Variants in LINGO1 observed in about 807,000 individuals in gnomAD.
The protein encoded by LINGO1 is leucine-rich repeat and immunoglobulin-like domain-containing nogo receptor-interacting protein 1.
A neutral mutation model predicts 37.3 loss-of-function variants in LINGO1; 11 were observed. The observed-to-expected ratio is 0.29, with a 90% CI of 0.19 to 0.49. LINGO1 has a LOEUF of 0.49. LINGO1 is among the 20% of genes least tolerant of loss of function. LINGO1 has a pLI of 0.99. For synonymous variants in LINGO1, 387 were observed against 403.0 expected, an observed-to-expected ratio of 0.96 and a Z score of 0.48; for missense variants, 585 against 878.2, an observed-to-expected ratio of 0.67 and a Z score of 4.22.
At chr15:77,777,475 A>ACG (rs1306638679) in intron 1 of LINGO1, among the ~76,000 whole-genome samples, 1 of 141,376 alleles carries the variant, frequency 7.1e-6, no homozygotes, top group Non-Finnish European at 1.5e-5. Flanking sequence ...GCACACACAC[A>ACG]CACACACACA....
intron 2 of LINGO1, among the ~76,000 whole-genome samples, chr15:77,686,572 CCCA>C (rs1259602286): frequency 6.6e-6 from 1 of 152,308 alleles, no homozygotes; most frequent in Admixed American, 6.5e-5. Flanking sequence ...GCCCAGTGCC[CCCA>C]CCGTCAACCC....
chr15:77,723,199 C>T (rs372293297), intron 2 of LINGO1, among the ~76,000 whole-genome samples: 7 of 135,672 alleles, frequency 5.2e-5, no homozygotes, highest in African/African-American at 1.9e-4. Context: ...AGGATCAAGA[C>T]AGCCACAGAG....
intron 3 of LINGO1, among the ~76,000 whole-genome samples, chr15:77,655,557 G>A (rs2074847672): frequency 1.3e-5 from 2 of 152,066 alleles, no homozygotes; most frequent in African/African-American, 4.8e-5. Context: ...TGACCTGGGT[G>A]ACCATACCAA....
intron 1 of LINGO1, among the ~76,000 whole-genome samples, chr15:77,738,433 C>T (rs1281925157): frequency 6.6e-6 from 1 of 152,086 alleles, no homozygotes; most frequent in African/African-American, 2.4e-5. Flanking sequence ...GGGTTTTTGC[C>T]CTCTCGCTCC....
rs1364440480 is a variant in LINGO1 at position 77,717,607 on chromosome 15, G to A, written c.-195+17385C>T. On this transcript the variant is annotated intron_variant, in intron 2 of 3. Transcript: ENST00000561686. ...TCAGCCCCGATAGTTGGGGAGGAAT[G>A]GCAAGGAGAGGCAGACAGGCAGGGA... 2.0e-5 allele frequency among the ~76,000 whole-genome samples: 3 copies of A among 150,840 alleles called. 1 individual carries two copies. Among genetic ancestry groups the A allele is most frequent in the Non-Finnish European group, 4.4e-5 (3 of 67,604 alleles).
intron 2 of LINGO1, chr15:77,720,785 T>C (rs571769687): frequency 6.6e-6 from 1 of 151,996 alleles, no homozygotes; most frequent in Non-Finnish European, 1.5e-5. Flanking sequence ...GTCCGCGTGC[T>C]CCTGTGCTCA....
At chr15:77,648,544 G>A (rs2074687946) in intron 3 of LINGO1, 1 of 152,426 alleles carries the variant, frequency 6.6e-6, no homozygotes, top group Admixed American at 6.5e-5. Context: ...GCTGCCAAGA[G>A]AACTTTAAAC....
At chr15:77,726,534 T>C (rs917027627) in intron 2 of LINGO1, among the ~76,000 whole-genome samples, 2 of 152,234 alleles carry the variant, frequency 1.3e-5, no homozygotes, top group Non-Finnish European at 2.9e-5. Flanking sequence ...AGTTTCTGGA[T>C]TTCCACAAGC....
At chr15:77,766,889 A>T (rs58038325) in intron 1 of LINGO1, among the ~76,000 whole-genome samples, 4,334 of 152,220 alleles carry the variant, frequency 0.028, 126 homozygotes, top group African/African-American at 0.074. Flanking sequence ...AGAATTTTTA[A>T]AAAAAAATCC....
rs1027913655 is a variant in LINGO1, at chr15:77,748,080, G to C, written c.-256-13027C>G. On this transcript the variant is annotated intron_variant, in intron 1 of 3. Coordinates refer to the LINGO1 transcript ENST00000561686. Reference sequence around the variant, plus strand: ...CCCCTTCCACACAACTCTAAACAGGGACTGTGGTTGCCCTTTTGAGGCACC... The same window carrying C: ...CCCCTTCCACACAACTCTAAACAGGCACTGTGGTTGCCCTTTTGAGGCACC... Among the ~76,000 whole-genome samples the C allele has an allele frequency of 3.9e-5, 6 of 152,222 alleles. No homozygotes were observed. In the South Asian group the frequency reaches 6.2e-4, roughly 16 times the overall value.
intron 1 of LINGO1, among the ~76,000 whole-genome samples, chr15:77,756,070 A>T (rs964288987): frequency 2.6e-5 from 4 of 152,130 alleles, no homozygotes; most frequent in African/African-American, 9.7e-5. Context: ...GGCCAGGCTA[A>T]GGCAGGGCTG....
At chr15:77,663,806 C>T (rs1237078046) in intron 3 of LINGO1, among the ~76,000 whole-genome samples, 2 of 152,234 alleles carry the variant, frequency 1.3e-5, no homozygotes, top group Non-Finnish European at 2.9e-5. Flanking sequence ...GGGAGAGCCT[C>T]TGTCACCCTC....
intron 2 of LINGO1, among the ~76,000 whole-genome samples, chr15:77,703,409 A>G (rs748431899): frequency 6.6e-6 from 1 of 152,130 alleles, no homozygotes; most frequent in Non-Finnish European, 1.5e-5. Flanking sequence ...AGGAGGGAAC[A>G]CCTAGGAATA....
At chr15:77,744,539 T>TTAAAA (rs1196194901) in intron 1 of LINGO1, among the ~76,000 whole-genome samples, 1 of 152,046 alleles carries the variant, frequency 6.6e-6, no homozygotes, top group Admixed American at 6.6e-5. Context: ...TACATCAAAA[T>TTAAAA]TAAAATAAAA....
At chr15:77,818,262 G>A (rs1219683743) in intron 1 of LINGO1, among the ~76,000 whole-genome samples, 1 of 152,226 alleles carries the variant, frequency 6.6e-6, no homozygotes, top group Non-Finnish European at 1.5e-5. Flanking sequence ...CACTCCAGGA[G>A]ACACGGGGTT....
intron 2 of LINGO1, among the ~76,000 whole-genome samples, chr15:77,709,707 A>G (rs2075895172): frequency 6.6e-6 from 1 of 152,198 alleles, no homozygotes; most frequent in Admixed American, 6.5e-5. Context: ...CTGCAGGCCC[A>G]CTGCTTTGAT....
Position 77,632,608 on chromosome 15 carries a change from C to A in LINGO1, c.-293G>T. ...GCCGCGGGACAGGGGCTGCGCGAGC[C>A]TGCTTCTGCCCCCTGGGCCGGCCCG... On this transcript the variant is annotated 5_prime_UTR_variant, in exon 1 of 2. In the 5' UTR this introduces an upstream ATG that the reference lacks. Transcript: ENST00000355300. This position sits in a 1 kb window ranked among gnomAD's most constrained non-coding sequence, Gnocchi z 6.0. The A allele has an allele frequency of 6.6e-6, 1 of 151,884 alleles. No individual in the cohort carries two copies. The highest frequency in any genetic ancestry group is 1.4e-5 in the Non-Finnish European group (1 of 69,218). 9.4% of individuals were successfully genotyped at this position (151,884 alleles called of 1,614,324 possible). A position where few individuals can be genotyped will look rare whatever the true frequency, so the allele number is the denominator to read the frequency against.
rs369109955 is a variant in LINGO1, at chr15:77,640,991, G to A, written c.-12-25091C>T. Among the ~76,000 whole-genome samples, 16 of 152,332 alleles carry A rather than the reference G, an allele frequency of 1.1e-4. No individual in the cohort carries two copies. In the East Asian group the frequency reaches 2.9e-3, roughly 28 times the overall value. Reference sequence around the variant, plus strand: ...GGGTGGGGCTGCACACACACAGCAGGCAGGTCAGACATCCAGAAGGAAGCA... The same window carrying A: ...GGGTGGGGCTGCACACACACAGCAGACAGGTCAGACATCCAGAAGGAAGCA... On this transcript the variant is annotated intron_variant, in intron 3 of 3. Transcript: ENST00000559893.
Position 77,632,239 on chromosome 15 carries a change from C to T in LINGO1, c.6+71G>A. On this transcript the variant is annotated intron_variant, in intron 1 of 1. Transcript: ENST00000355300. This position sits in a 1 kb window ranked among gnomAD's most constrained non-coding sequence, Gnocchi z 6.0. The stretch of plus-strand genomic sequence containing the variant: ...AACCCCAGGAGGGCGCAGCCAGGGC[C>T]GATGGCGGCCCCCAGGGGCACTCGC... 9 of 1,306,720 alleles carry T rather than the reference C, an allele frequency of 6.9e-6. No homozygotes were observed. Among genetic ancestry groups the T allele is most frequent in the Non-Finnish European group, 8.7e-6 (9 of 1,031,596 alleles). The allele number at this position is 1,306,720 out of a possible 1,614,324, so 80.9% of individuals were successfully genotyped here. A position where few individuals can be genotyped will look rare whatever the true frequency, so the allele number is the denominator to read the frequency against.
Sources: allele counts gnomAD v4.1 joint callset (sites outside exome capture counted in the v4.1 genomes callset), GRCh38; gene constraint gnomAD v4.1.1; non-coding constraint Gnocchi (gnomAD v3.1); transcripts MANE v1.5; gene names NCBI Gene and HGNC (gene_info 2026-07-23, HGNC 2026-07-21).